Variants in ARFIP1 observed in about 807,000 individuals in gnomAD.
The protein encoded by ARFIP1 is ARF interacting protein 1.
Under a neutral mutation model 42.5 loss-of-function variants are expected in ARFIP1, and 24 were observed. That is an observed-to-expected ratio of 0.57 (90% CI 0.41 to 0.80). The LOEUF (loss-of-function observed/expected upper bound fraction) is 0.80, where lower values mean the gene tolerates loss of function less well. Ranked by LOEUF, ARFIP1 falls within the 30% of genes least tolerant of loss-of-function variation. The pLI, the probability that ARFIP1 is intolerant of heterozygous loss-of-function variation, is 0.00. For missense variants in ARFIP1, 354 were observed against 434.0 expected (o/e 0.82, Z 1.64); for synonymous variants, 141 against 153.7 (o/e 0.92, Z 0.61).
chr4:152,888,646 A>T (rs1044860539), intron 8 of ARFIP1, among the ~76,000 whole-genome samples: 8 of 152,120 alleles, frequency 5.3e-5, no homozygotes, highest in Non-Finnish European at 2.9e-5. Context: ...TCTATTAATG[A>T]TAGGTACAGA....
At chr4:152,889,155 A>G (rs1213000825) in intron 8 of ARFIP1, among the ~76,000 whole-genome samples, 2 of 152,086 alleles carry the variant, frequency 1.3e-5, no homozygotes, top group African/African-American at 4.8e-5. Flanking sequence ...TTCTCTCAGG[A>G]AACAGTCATG....
chr4:152,909,976 C>G, intron 8 of ARFIP1, 88 bp from the exon 9 acceptor site: 1 of 1,471,540 alleles, frequency 6.8e-7, no homozygotes, highest in Non-Finnish European at 9.3e-7. Context: ...GAGAGATACA[C>G]TATTTAATTA....
chr4:152,907,430 AC>A (rs1340217838), intron 8 of ARFIP1, among the ~76,000 whole-genome samples: 1 of 152,176 alleles, frequency 6.6e-6, no homozygotes, highest in African/African-American at 2.4e-5. Context: ...TGTTCCCACC[AC>A]CCAAGTTAAG....
intron 1 of ARFIP1, among the ~76,000 whole-genome samples, chr4:152,811,165 A>G (rs897404683): frequency 3.5e-5 from 5 of 141,236 alleles, no homozygotes; most frequent in Non-Finnish European, 7.5e-5. Flanking sequence ...CTCTGGAGAC[A>G]TTGTTCTTTA....
At chr4:152,899,977 C>T (rs575253130) in intron 8 of ARFIP1, among the ~76,000 whole-genome samples, 1 of 152,264 alleles carries the variant, frequency 6.6e-6, no homozygotes, top group South Asian at 2.1e-4. Context: ...CTCCACAGCC[C>T]TGCTTTTAGT....
Position 152,888,236 on chromosome 4 carries a change from G to A in ARFIP1, c.895G>A (p.Ala299Thr). 4 of 1,610,948 alleles carry A rather than the reference G, an allele frequency of 2.5e-6. No homozygotes were observed. The highest frequency in any genetic ancestry group is 3.4e-6 in the Non-Finnish European group (4 of 1,178,578). The change falls in exon 8 of 9, where the codon GCA (alanine) becomes ACA (threonine). Residue 299 changes from alanine (A) to threonine (T), a missense_variant. Transcript: ENST00000353617. ...KIEQSQHLFQ[A>T]HKEKYDKMRN... Reference sequence around the variant, plus strand: ...TGAGCAGTCACAGCATCTCTTCCAAGCACATAAGGAAAAATATGATAAAAT... The same window carrying A: ...TGAGCAGTCACAGCATCTCTTCCAAACACATAAGGAAAAATATGATAAAAT...
chr4:152,891,854 C>T (rs545636586), intron 8 of ARFIP1, among the ~76,000 whole-genome samples: 9 of 151,980 alleles, frequency 5.9e-5, no homozygotes, highest in South Asian at 2.1e-4. Flanking sequence ...ATTACAGGTG[C>T]GTGCCATCAT....
At chr4:152,841,241 G>A (rs562479031) in intron 2 of ARFIP1, among the ~76,000 whole-genome samples, 30 of 151,870 alleles carry the variant, frequency 2.0e-4, no homozygotes, top group Admixed American at 1.0e-3. Context: ...TCACCATGTC[G>A]GCCAGGATGG....
intron 8 of ARFIP1, among the ~76,000 whole-genome samples, chr4:152,907,158 C>T (rs989059187): frequency 2.0e-5 from 3 of 152,146 alleles, no homozygotes; most frequent in African/African-American, 7.2e-5. Flanking sequence ...TGATTGCTTG[C>T]ATTCCCAACC....
chr4:152,869,963 C>T (rs1435625166), intron 3 of ARFIP1, among the ~76,000 whole-genome samples: 1 of 152,210 alleles, frequency 6.6e-6, no homozygotes, highest in Admixed American at 6.5e-5. Context: ...GCCTGTTTCA[C>T]TGATAATCAG....
At chr4:152,897,415 T>C (rs190780317) in intron 8 of ARFIP1, among the ~76,000 whole-genome samples, 1 of 152,288 alleles carries the variant, frequency 6.6e-6, no homozygotes, top group Non-Finnish European at 1.5e-5. Context: ...CCAGGAAGGA[T>C]AGCTTTATAA....
rs897482526 is a variant in ARFIP1, at chr4:152,912,257, A to G, written c.*2038A>G. The G allele has an allele frequency of 6.6e-6, 1 of 152,216 alleles. No individual in the cohort carries two copies. The highest frequency in any genetic ancestry group is 2.4e-5 in the African/African-American group (1 of 41,468). 9.4% of individuals were successfully genotyped at this position (152,216 alleles called of 1,614,324 possible). On this transcript the variant is annotated 3_prime_UTR_variant, in exon 9 of 9. Transcript: ENST00000353617. ...CAATGGTACATTTACTTTGTTAGGA[A>G]TGTAATTTATGTTCATTATAGAAAA...
At chr4:152,823,595 A>G (rs1434211235) in intron 1 of ARFIP1, among the ~76,000 whole-genome samples, 1 of 151,920 alleles carries the variant, frequency 6.6e-6, no homozygotes, top group Non-Finnish European at 1.5e-5. Context: ...CCCAGCCAAC[A>G]TGGTGAAACC....
intron 7 of ARFIP1, among the ~76,000 whole-genome samples, chr4:152,884,529 T>C (rs1262272351): frequency 6.6e-6 from 1 of 152,014 alleles, no homozygotes; most frequent in East Asian, 1.9e-4. Flanking sequence ...TAAAGATGGA[T>C]ATTGTTTTCT....
At chr4:152,892,054 C>A (rs528681284) in intron 8 of ARFIP1, among the ~76,000 whole-genome samples, 1 of 151,960 alleles carries the variant, frequency 6.6e-6, no homozygotes, top group African/African-American at 2.4e-5. Context: ...CCTATTTCTT[C>A]CCCCCAACCA....
chr4:152,805,389 A>G (rs992087361), intron 1 of ARFIP1, among the ~76,000 whole-genome samples: 5 of 152,244 alleles, frequency 3.3e-5, no homozygotes, highest in Admixed American at 1.3e-4. Flanking sequence ...ATCTAGGAAT[A>G]TTGATCCAAA....
chr4:152,876,084 A>G (rs1735307465), intron 5 of ARFIP1, among the ~76,000 whole-genome samples: 1 of 152,108 alleles, frequency 6.6e-6, no homozygotes, highest in African/African-American at 2.4e-5. Flanking sequence ...GTCTGTCTTT[A>G]TCAGCAGTGT....
intron 2 of ARFIP1, among the ~76,000 whole-genome samples, chr4:152,840,460 G>A (rs1439763544): frequency 1.3e-5 from 2 of 152,160 alleles, no homozygotes; most frequent in African/African-American, 4.8e-5. Flanking sequence ...GTGTAGGATT[G>A]TGATATTTTC....
intron 1 of ARFIP1, among the ~76,000 whole-genome samples, chr4:152,827,372 A>G (rs573706912): frequency 2.0e-5 from 3 of 152,178 alleles, no homozygotes; most frequent in Non-Finnish European, 4.4e-5. Context: ...ATCCCTCGCT[A>G]GAGTGGTACA....
Sources: allele counts gnomAD v4.1 joint callset (sites outside exome capture counted in the v4.1 genomes callset), GRCh38; gene constraint gnomAD v4.1.1; transcripts MANE v1.5; gene names NCBI Gene and HGNC (gene_info 2026-07-23, HGNC 2026-07-21).